The following DPH1 variants were observed in gnomAD, a reference collection of about 807,000 sequenced individuals.
DPH1 encodes 2-(3-amino-3-carboxypropyl)histidine synthase subunit 1.
A neutral mutation model predicts 55.3 loss-of-function variants in DPH1; 59 were observed. The observed-to-expected ratio is 1.07, with a 90% confidence interval of 0.87 to 1.33. The LOEUF is 1.33. DPH1 is among the 40% of genes most tolerant of loss of function. The probability of loss-of-function intolerance (pLI) is 0.00; values close to 1 mark genes in which losing one functional copy is unlikely to be tolerated. For synonymous variants in DPH1, 238 were observed against 235.5 expected (o/e 1.01, Z -0.10); for missense variants, 628 against 584.8 (o/e 1.07, Z -0.76).
chr17:2,037,228 A>G (rs555107671), intron 6 of DPH1: 4 of 346,760 alleles, frequency 1.2e-5, no homozygotes, highest in African/African-American at 6.3e-5. Flanking sequence ...AAATGGTGGG[A>G]ATATAATTGG....
rs769916851 is a variant in DPH1, at chr17:2,041,589, C to A, written c.1195C>A (p.Pro399Thr). Residue 399 changes from proline to threonine, a missense_variant, in exon 11 of 13, where the codon CCC (proline) becomes ACC (threonine). Pro to Thr is a conservative substitution (Grantham distance 38). Transcript: ENST00000263083. ...GGTGAACCACGGCCAGGACCGCCGT[C>A]CCCACGCCCCGGGCCGGCCCGCGCG... ...WTVNHGQDRRPHAPGRPARGK... is the reference protein window; with the variant it reads ...WTVNHGQDRRTHAPGRPARGK... 3 of 1,609,668 alleles carry A rather than the reference C, an allele frequency of 1.9e-6. No homozygotes were observed. The South Asian group carries it at 3.3e-5, about 18-fold the overall frequency.
chr17:2,043,307 A>C lies in DPH1; in HGVS notation c.*721A>C. 1 of 619,776 alleles carries C rather than the reference A, an allele frequency of 1.6e-6. No homozygotes were observed. Among genetic ancestry groups the C allele is most frequent in the South Asian group, 2.5e-5 (1 of 40,000 alleles). 38.4% of individuals were successfully genotyped at this position (619,776 alleles called of 1,614,324 possible). A position where few individuals can be genotyped will look rare whatever the true frequency, so the allele number is the denominator to read the frequency against. On this transcript the variant is annotated 3_prime_UTR_variant, in exon 13 of 13. Transcript: ENST00000263083. Reference sequence around the variant, plus strand: ...AGGGGAGCACAAGGCCTTAATGGACATTGACTTGTGAAAACGCAAACATGA... The same window carrying C: ...AGGGGAGCACAAGGCCTTAATGGACCTTGACTTGTGAAAACGCAAACATGA...
Position 2,042,667 on chromosome 17 carries a change from T to TTC in DPH1, c.*84_*85dup, listed in dbSNP as rs769401985. The stretch of plus-strand genomic sequence containing the variant: ...GTTTTCAGAGCAGGAGGCCGACGTT[T>TTC]TCTCCGCATTGGAAGAGCCCGCCGT... On this transcript the variant is annotated 3_prime_UTR_variant, in exon 13 of 13. Transcript: ENST00000263083. 13 of 1,524,680 alleles carry TTC rather than the reference T, an allele frequency of 8.5e-6. No individual in the cohort carries two copies. In the East Asian group the frequency reaches 2.9e-4, roughly 34 times the overall value. The allele number at this position is 1,524,680 out of a possible 1,614,324, so 94.4% of individuals were successfully genotyped here. A position where few individuals can be genotyped will look rare whatever the true frequency, so the allele number is the denominator to read the frequency against.
chr17:2,036,269 G>A lies in DPH1; in HGVS notation c.400+178G>A. On this transcript the variant is annotated intron_variant, in intron 4 of 12. Transcript: ENST00000263083. The surrounding 1 kb of genome is among the most constrained non-coding windows in gnomAD (Gnocchi z 4.8). ...GTAGATCTTTCCTTTGGATTTGGTTGCCTTGGCAACGGTGCTCTGTCCCAG... is the reference window on the plus strand; with the variant it reads ...GTAGATCTTTCCTTTGGATTTGGTTACCTTGGCAACGGTGCTCTGTCCCAG... 1 of 1,279,512 alleles carries A rather than the reference G, an allele frequency of 7.8e-7. No homozygotes were observed. Among genetic ancestry groups the A allele is most frequent in the South Asian group, 1.5e-5 (1 of 65,176 alleles). 79.3% of individuals were successfully genotyped at this position (1,279,512 alleles called of 1,614,324 possible).
chr17:2,041,248 G>C (rs1347845748), intron 10 of DPH1, 67 bp downstream of exon 10: 11 of 1,538,818 alleles, frequency 7.1e-6, no homozygotes, highest in Non-Finnish European at 7.9e-6. Flanking sequence ...CTGGAGTGGA[G>C]TGGGGTGGGT....
chr17:2,033,473 A>G (rs764762321), intron 1 of DPH1, 32 bp from the exon 2 acceptor site: 2 of 1,613,496 alleles, frequency 1.2e-6, no homozygotes, highest in Admixed American at 1.7e-5. Context: ...AGCCAAAGAC[A>G]GACACCAACT....
chr17:2,035,542 GCA>G (rs2067409237), intron 3 of DPH1, among the ~76,000 whole-genome samples: 16 of 112,574 alleles, frequency 1.4e-4, no homozygotes, highest in Admixed American at 4.5e-4. Context: ...GGGGGTCCCG[GCA>G]AGAGGGAGGC....
chr17:2,041,054 G>A (rs1409781447), intron 9 of DPH1, 49 bp from the exon 10 acceptor site: 1 of 1,549,836 alleles, frequency 6.5e-7, no homozygotes, highest in Admixed American at 1.9e-5. Flanking sequence ...CATGCTGCCT[G>A]GGCGACGAGG....
intron 12 of DPH1, chr17:2,042,130 C>A: frequency 6.4e-7 from 1 of 1,555,828 alleles, no homozygotes; most frequent in Admixed American, 1.8e-5. Flanking sequence ...AAGACCGGGG[C>A]GCTGAGGAAG....
rs1001146133 is a variant in DPH1 at position 2,041,581 on chromosome 17, A to G, written c.1187A>G (p.Asp396Gly). Residue 396 changes from aspartate to glycine, a missense_variant, in exon 11 of 13, where the codon GAC becomes GGC. Asp to Gly is a moderately conservative substitution (Grantham distance 94). Coordinates refer to ENST00000263083, the MANE Select transcript of DPH1 (RefSeq NM_001383.6). ...CCCTGGACGGTGAACCACGGCCAGG[A>G]CCGCCGTCCCCACGCCCCGGGCCGG... Reference protein sequence around the residue: ...LGPWTVNHGQDRRPHAPGRPA... With the variant: ...LGPWTVNHGQGRRPHAPGRPA... The G allele has an allele frequency of 6.2e-7, 1 of 1,610,192 alleles. No homozygotes were observed. The highest frequency in any genetic ancestry group is 1.3e-5 in the African/African-American group (1 of 74,750).
chr17:2,040,190 A>G lies in DPH1; in HGVS notation c.750-28A>G, dbSNP rs751497311. The G allele has an allele frequency of 6.2e-6, 10 of 1,611,626 alleles. No individual in the cohort carries two copies. In the Admixed American group the frequency reaches 6.7e-5, roughly 11 times the overall value. ...AATACTGGTCCTGACAGTGGCTGCC[A>G]CAGTGACCCTGACTGCTTCTTTTCC... On this transcript the variant is annotated intron_variant, in intron 7 of 12. Transcript: ENST00000263083.
At chr17:2,038,684 C>T (rs1169500974) in intron 6 of DPH1, among the ~76,000 whole-genome samples, 1 of 152,210 alleles carries the variant, frequency 6.6e-6, no homozygotes, top group Non-Finnish European at 1.5e-5. Context: ...AACCATCCCC[C>T]AATCCCACCC....
intron 1 of DPH1, among the ~76,000 whole-genome samples, chr17:2,032,119 G>T (rs1186704903): frequency 6.6e-6 from 1 of 152,194 alleles, no homozygotes; most frequent in Non-Finnish European, 1.5e-5. Context: ...TTCTGAGTCA[G>T]GAGGGCAGTC....
chr17:2,035,862 G>A, intron 3 of DPH1, 108 bp from the exon 4 acceptor site: 1 of 1,501,854 alleles, frequency 6.7e-7, no homozygotes, highest in South Asian at 1.2e-5. Flanking sequence ...GGAACTGGGA[G>A]AGGTAGGGAG....
Position 2,040,620 on chromosome 17 carries a change from G to A in DPH1, c.1007+15G>A. On this transcript the variant is annotated intron_variant, in intron 9 of 12. Transcript: ENST00000263083. ...GAGGTGGATGTGTGAGTATCTGCCTGGCTATGACTGGCTAAAGAAGCTTAG... is the reference window on the plus strand; with the variant it reads ...GAGGTGGATGTGTGAGTATCTGCCTAGCTATGACTGGCTAAAGAAGCTTAG... The A allele has an allele frequency of 6.2e-7, 1 of 1,611,960 alleles. No homozygotes were observed. Among genetic ancestry groups the A allele is most frequent in the East Asian group, 2.2e-5 (1 of 44,876 alleles).
In DPH1 at chr17:2,033,615, C is replaced by A; in HGVS notation, c.172C>A (p.Pro58Thr). 3 of 1,614,238 alleles carry A rather than the reference C, an allele frequency of 1.9e-6. No individual in the cohort carries two copies. Among genetic ancestry groups the A allele is most frequent in the Non-Finnish European group, 2.5e-6 (3 of 1,180,052 alleles). The change falls in exon 2 of 13, where the codon CCC becomes ACC. Residue 58 changes from proline (P) to threonine (T), a missense_variant. Pro to Thr is a conservative substitution (Grantham distance 38). Transcript: ENST00000263083. ...GCCTTCCAACTACAACTTTGAGATC[C>A]CCAAGACCATCTGGAGGATCCAACA... ...VLPSNYNFEI[P>T]KTIWRIQQAQ...
intron 6 of DPH1, chr17:2,037,168 A>T: frequency 5.0e-6 from 3 of 603,412 alleles, no homozygotes; most frequent in Non-Finnish European, 5.2e-6. Context: ...AAGGCTGTGC[A>T]GGGTGGGGGC....
In DPH1 at chr17:2,036,353, G is replaced by C. The variant is rs1234364667; in HGVS notation, c.401-176G>C. ...CAGGCTGGGCCCCGGCCGGGTGACA[G>C]AGAAGTCTGATTGAGAAGGAGCTTC... On this transcript the variant is annotated intron_variant, in intron 4 of 12. Coordinates refer to ENST00000263083, the MANE Select transcript of DPH1 (RefSeq NM_001383.6). This position sits in a 1 kb window ranked among gnomAD's most constrained non-coding sequence, Gnocchi z 4.8. 2.8e-6 allele frequency: 3 copies of C among 1,067,718 alleles called. No individual in the cohort carries two copies. The highest frequency in any genetic ancestry group is 5.0e-5 in the East Asian group (2 of 40,172). 66.1% of individuals were successfully genotyped at this position (1,067,718 alleles called of 1,614,324 possible). A position where few individuals can be genotyped will look rare whatever the true frequency, so the allele number is the denominator to read the frequency against.
chr17:2,036,149 C>T lies in DPH1; in HGVS notation c.400+58C>T, dbSNP rs918071000. 1.3e-6 allele frequency: 2 copies of T among 1,598,330 alleles called. No homozygotes were observed. The highest frequency in any genetic ancestry group is 1.3e-5 in the African/African-American group (1 of 74,704). Reference sequence around the variant, plus strand: ...GGGGCTGGCAGGGAGGCAGGCTGCACATTCATCTTCCCCATGGCAGTGCCT... The same window carrying T: ...GGGGCTGGCAGGGAGGCAGGCTGCATATTCATCTTCCCCATGGCAGTGCCT... On this transcript the variant is annotated intron_variant, in intron 4 of 12. Coordinates refer to ENST00000263083, the MANE Select transcript of DPH1 (RefSeq NM_001383.6). This position sits in a 1 kb window ranked among gnomAD's most constrained non-coding sequence, Gnocchi z 4.8.
Sources: gnomAD v4.1 joint callset for allele counts (sites outside exome capture counted in the v4.1 genomes callset) on GRCh38, gnomAD v4.1.1 for gene constraint, Gnocchi (gnomAD v3.1) non-coding constraint, MANE v1.5 for transcripts, NCBI Gene and HGNC (gene_info 2026-07-23, HGNC 2026-07-21) for gene names.